Variants in DOT1L observed in about 807,000 individuals in gnomAD.
DOT1L encodes DOT1 like histone lysine methyltransferase, also known as histone-lysine N-methyltransferase, H3 lysine-79 specific.
In DOT1L, 33 loss-of-function variants were observed where a neutral mutation model predicts 153.3. The observed-to-expected ratio is 0.22, with a 90% CI of 0.16 to 0.29. DOT1L has a LOEUF of 0.29. DOT1L is among the 10% of genes least tolerant of loss of function. The probability of loss-of-function intolerance (pLI) is 1.00; values close to 1 mark genes in which losing one functional copy is unlikely to be tolerated. For synonymous variants in DOT1L, 1,135 were observed against 965.1 expected, an observed-to-expected ratio of 1.18 and a Z score of -3.26; for missense variants, 1,847 against 2,119.9, an observed-to-expected ratio of 0.87 and a Z score of 2.53.
chr19:2,193,096 C>T lies in DOT1L; in HGVS notation c.494-593C>T, dbSNP rs919131560. ...GCTGCCTCCACCCTCCTGACGCTGGCGTATCTGCAGCCCCTGTTCCCTCCT... is the reference window on the plus strand; with the variant it reads ...GCTGCCTCCACCCTCCTGACGCTGGTGTATCTGCAGCCCCTGTTCCCTCCT... On this transcript the variant is annotated intron_variant, in intron 5 of 27. Transcript: ENST00000398665. This position sits in a 1 kb window ranked among gnomAD's most constrained non-coding sequence, Gnocchi z 5.9. 7.9e-5 allele frequency among the ~76,000 whole-genome samples: 12 copies of T among 152,274 alleles called. No homozygotes were observed. In the South Asian group the frequency reaches 1.2e-3, roughly 16 times the overall value.
intron 27 of DOT1L, chr19:2,229,302 G>A (rs1412128604): frequency 2.5e-5 from 25 of 985,330 alleles, no homozygotes; most frequent in Non-Finnish European, 2.9e-5. Flanking sequence ...GTGCAAAGGT[G>A]CCCTCTGCTT....
At chr19:2,227,917 C>G (rs1231667609) in intron 27 of DOT1L, 2 of 1,210,076 alleles carry the variant, frequency 1.7e-6, no homozygotes, top group Non-Finnish European at 2.1e-6. Flanking sequence ...CCTCCGCCTC[C>G]GCCTCCGCCT....
At position 2,232,484 on chromosome 19, in the gene DOT1L, C is replaced by T. The variant is rs1455783039; in HGVS notation, c.*2692C>T. ...TTGGATTGCGCGCATTGTCACGGTC[C>T]GCCCCTGGGCTGCAGGCGCCCCTTC... On this transcript the variant is annotated 3_prime_UTR_variant, in exon 28 of 28. Transcript: ENST00000398665. The T allele has an allele frequency of 2.7e-5, 6 of 221,942 alleles. No homozygotes were observed. The highest frequency in any genetic ancestry group is 3.7e-4 in the South Asian group (2 of 5,452). The allele number at this position is 221,942 out of a possible 1,614,324, so 13.7% of individuals were successfully genotyped here.
At chr19:2,225,281 T>G in intron 25 of DOT1L, 107 bp from the exon 26 acceptor site, 4 of 1,138,578 alleles carry the variant, frequency 3.5e-6, no homozygotes, top group Non-Finnish European at 5.3e-6. Context: ...GCCGAGTGCT[T>G]CTCGTTCACC....
chr19:2,202,549 G>A (rs771315792), intron 8 of DOT1L, 151 bp from the exon 9 acceptor site: 14 of 700,298 alleles, frequency 2.0e-5, no homozygotes, highest in Middle Eastern at 3.6e-4. Flanking sequence ...TGAAACCCAC[G>A]GCGTGCGCTC....
intron 27 of DOT1L, chr19:2,227,584 C>A: frequency 1.1e-6 from 1 of 900,738 alleles, no homozygotes; most frequent in Non-Finnish European, 1.5e-6. Context: ...GGGCGGGCCA[C>A]CACGAGCCTG....
chr19:2,222,031 C>G lies in DOT1L; in HGVS notation c.2862C>G (p.Ala954=), dbSNP rs779431737. The change falls in exon 24 of 28, where the codon GCC becomes GCG. Residue 954 remains alanine, a synonymous_variant. Coordinates refer to ENST00000398665, the MANE Select transcript of DOT1L (RefSeq NM_032482.3). The surrounding 1 kb of genome is among the most constrained non-coding windows in gnomAD (Gnocchi z 6.5). ...AISGALAGSP[A]SLTPGAEPAT... Reference sequence around the variant, plus strand: ...GCGGGGCCTTGGCGGGCAGCCCGGCCTCTCTCACACCTGGAGCCGAGCCGG... The same window carrying G: ...GCGGGGCCTTGGCGGGCAGCCCGGCGTCTCTCACACCTGGAGCCGAGCCGG... 6.9e-5 allele frequency: 112 copies of G among 1,612,612 alleles called. 1 individual carries two copies. The highest frequency in any genetic ancestry group is 4.2e-4 in the Admixed American group (25 of 59,968).
intron 10 of DOT1L, 46 bp downstream of exon 10, chr19:2,206,843 C>T: frequency 6.4e-7 from 1 of 1,563,198 alleles, no homozygotes; most frequent in South Asian, 1.1e-5. Context: ...GTAATTTTAA[C>T]CATCTGACAC....
intron 1 of DOT1L, among the ~76,000 whole-genome samples, chr19:2,179,476 A>G (rs1258607737): frequency 1.3e-5 from 2 of 152,026 alleles, no homozygotes; most frequent in Admixed American, 1.3e-4. Context: ...GCGTTTACCT[A>G]TTGGGGATTT....
chr19:2,173,600 G>A (rs1235432609), intron 1 of DOT1L, among the ~76,000 whole-genome samples: 2 of 152,210 alleles, frequency 1.3e-5, no homozygotes, highest in African/African-American at 2.4e-5. Flanking sequence ...CTGGAGGCCA[G>A]CCGGGTGGTG....
At chr19:2,177,225 G>C (rs965986970) in intron 1 of DOT1L, among the ~76,000 whole-genome samples, 7 of 152,202 alleles carry the variant, frequency 4.6e-5, no homozygotes, top group African/African-American at 1.2e-4. Flanking sequence ...GAGCTGTGCA[G>C]AGCACAGAAC....
In DOT1L at chr19:2,164,489, G is replaced by A. The variant is rs2019832043; in HGVS notation, c.81+224G>A. The A allele has an allele frequency of 9.3e-6, 3 of 321,110 alleles. No homozygotes were observed. In the South Asian group the frequency reaches 4.7e-4, roughly 50 times the overall value. 19.9% of individuals were successfully genotyped at this position (321,110 alleles called of 1,614,324 possible). ...GCGCCTGGGGTGGGAGCGGGAGCCG[G>A]CGCCCCCGAGCCCTACCGCGGTGCC... On this transcript the variant is annotated intron_variant, in intron 1 of 27. Coordinates refer to ENST00000398665, the MANE Select transcript of DOT1L (RefSeq NM_032482.3).
intron 27 of DOT1L, chr19:2,227,785 C>A (rs1288301347): frequency 7.6e-7 from 1 of 1,314,914 alleles, no homozygotes. Context: ...CCGTTTGGAG[C>A]CCGTGTCGGC....
chr19:2,187,477 A>C (rs1445638842), intron 3 of DOT1L, among the ~76,000 whole-genome samples: 1 of 152,218 alleles, frequency 6.6e-6, no homozygotes, highest in Non-Finnish European at 1.5e-5. Flanking sequence ...CACCTGAGGG[A>C]CCGAGCCATT....
At chr19:2,172,768 C>T (rs2021712830) in intron 1 of DOT1L, among the ~76,000 whole-genome samples, 1 of 152,156 alleles carries the variant, frequency 6.6e-6, no homozygotes, top group African/African-American at 2.4e-5. Flanking sequence ...TCCCAAAGTG[C>T]TGGGATTACA....
At chr19:2,164,603 G>T in intron 1 of DOT1L, 1 of 155,274 alleles carries the variant, frequency 6.4e-6, no homozygotes, top group Non-Finnish European at 1.2e-5. Context: ...CGCCCGCCCC[G>T]CTCGTTCCCG....
chr19:2,221,781 C>T (rs1281120709), intron 23 of DOT1L, 195 bp from the exon 24 acceptor site: 2 of 600,678 alleles, frequency 3.3e-6, no homozygotes, highest in East Asian at 2.8e-5. Context: ...GGCACAGGGT[C>T]AGCCCTGAGC....
intron 12 of DOT1L, among the ~76,000 whole-genome samples, chr19:2,210,191 G>A (rs1009608097): frequency 6.6e-6 from 1 of 152,218 alleles, no homozygotes; most frequent in Non-Finnish European, 1.5e-5. Context: ...GCCGTTATCC[G>A]TGCCCACGGG....
In DOT1L at chr19:2,197,158, C is replaced by T. The variant is rs1397381930; in HGVS notation, c.651+2581C>T. ...TCTGGTTTGGTCTCTGGGTGGCGCTCCCTCGGCTTCTGTTCTGCTGTCTTT... is the reference window on the plus strand; with the variant it reads ...TCTGGTTTGGTCTCTGGGTGGCGCTTCCTCGGCTTCTGTTCTGCTGTCTTT... On this transcript the variant is annotated intron_variant, in intron 7 of 27. Transcript: ENST00000398665. The surrounding 1 kb of genome is among the most constrained non-coding windows in gnomAD (Gnocchi z 4.1). Among the ~76,000 whole-genome samples, 1 of 152,200 alleles carries T rather than the reference C, an allele frequency of 6.6e-6. No homozygotes were observed. Among genetic ancestry groups the T allele is most frequent in the Admixed American group, 6.5e-5 (1 of 15,286 alleles).
Sources: gnomAD v4.1 joint callset for allele counts (sites outside exome capture counted in the v4.1 genomes callset) on GRCh38, gnomAD v4.1.1 for gene constraint, Gnocchi (gnomAD v3.1) non-coding constraint, MANE v1.5 for transcripts, NCBI Gene and HGNC (gene_info 2026-07-23, HGNC 2026-07-21) for gene names.